The following SHC3 variants were observed in gnomAD, a reference collection of about 807,000 sequenced individuals.
SHC3 encodes the protein SHC-transforming protein 3.
Under a neutral mutation model 60.4 loss-of-function variants are expected in SHC3, and 15 were observed. That is an observed-to-expected ratio of 0.25 (90% CI 0.17 to 0.38). SHC3 has a LOEUF of 0.38. Among genes scored for constraint, SHC3 ranks in the 10% least tolerant of loss-of-function variants. The pLI, the probability that SHC3 is intolerant of heterozygous loss-of-function variation, is 1.00. For synonymous variants in SHC3, 294 were observed against 325.9 expected (o/e 0.90, Z 1.05); for missense variants, 677 against 786.1 (o/e 0.86, Z 1.66).
intron 2 of SHC3, among the ~76,000 whole-genome samples, chr9:89,078,626 G>C (rs556606489): frequency 6.6e-6 from 1 of 152,286 alleles, no homozygotes; most frequent in Admixed American, 6.5e-5. Flanking sequence ...GAGGACCCCA[G>C]AGGGTGAGGA....
At chr9:89,064,579 T>C (rs1219771742) in intron 6 of SHC3, among the ~76,000 whole-genome samples, 2 of 152,156 alleles carry the variant, frequency 1.3e-5, no homozygotes, top group African/African-American at 4.8e-5. Flanking sequence ...TAGAAAATTG[T>C]ATTGTCTGGG....
At chr9:89,065,603 C>T in intron 5 of SHC3, 23 bp from the exon 6 acceptor site, 1 of 1,613,356 alleles carries the variant, frequency 6.2e-7, no homozygotes, top group Non-Finnish European at 8.5e-7. Context: ...AAAGAGATGT[C>T]TATGTCACTA....
Position 89,045,751 on chromosome 9 carries a change from C to A in SHC3, c.1196G>T (p.Arg399Met). Reference sequence around the variant, plus strand: ...CATCTCACCTTGCCTCTCACCTTGCCTTAAAGGTGTTTGCTGCCAGTCTTC... The same window carrying A: ...CATCTCACCTTGCCTCTCACCTTGCATTAAAGGTGTTTGCTGCCAGTCTTC... ...FGEDWQQTPL[R>M]QGSSDIYSTP... The change falls in exon 9 of 12, where the codon AGG (arginine) becomes ATG (methionine). Residue 399 changes from arginine to methionine, a missense_variant. Physicochemically the swap from Arg to Met is moderately conservative, Grantham distance 91 (BLOSUM62 -1). Transcript: ENST00000375835. The A allele has an allele frequency of 6.2e-7, 1 of 1,614,036 alleles. No individual in the cohort carries two copies.
intron 2 of SHC3, among the ~76,000 whole-genome samples, chr9:89,105,124 C>T (rs1216099945): frequency 6.6e-6 from 1 of 152,172 alleles, no homozygotes; most frequent in Admixed American, 6.5e-5. Flanking sequence ...TGCTCAAGAC[C>T]ATCACACCAC....
In SHC3 at chr9:89,151,424, T is replaced by C. The variant is rs576730422; in HGVS notation, c.474+26563A>G. 1.4e-4 allele frequency among the ~76,000 whole-genome samples: 21 copies of C among 152,220 alleles called. No individual in the cohort carries two copies. The East Asian group carries it at 3.7e-3, about 27-fold the overall frequency. On this transcript the variant is annotated intron_variant, in intron 1 of 11. Transcript: ENST00000375835. ...GGGATTAGTGGCCTCATAAAAGAGG[T>C]TGAAGGGAGCACTTGTCCCTTCTGC...
At chr9:89,042,329 T>C (rs1824701739) in intron 9 of SHC3, 145 bp from the exon 10 acceptor site, 1 of 864,854 alleles carries the variant, frequency 1.2e-6, no homozygotes, top group Non-Finnish European at 1.7e-6. Context: ...CTTCTGAGCT[T>C]GTCACCACAC....
chr9:89,016,408 C>T (rs1826094822), intron 11 of SHC3, among the ~76,000 whole-genome samples: 1 of 152,070 alleles, frequency 6.6e-6, no homozygotes, highest in African/African-American at 2.4e-5. Flanking sequence ...TGGCTCTATG[C>T]TCATAAATTT....
intron 2 of SHC3, among the ~76,000 whole-genome samples, chr9:89,079,015 C>T (rs1320042062): frequency 6.6e-6 from 1 of 152,180 alleles, no homozygotes; most frequent in Non-Finnish European, 1.5e-5. Context: ...AGTTACGCAA[C>T]AGACTATCAG....
chr9:89,084,880 G>A (rs996037187), intron 2 of SHC3, among the ~76,000 whole-genome samples: 5 of 152,180 alleles, frequency 3.3e-5, no homozygotes, highest in African/African-American at 7.2e-5. Flanking sequence ...CCACCAAGGC[G>A]CTGGACCCAT....
At chr9:89,073,002 G>T (rs1023084589) in intron 4 of SHC3, among the ~76,000 whole-genome samples, 1 of 152,138 alleles carries the variant, frequency 6.6e-6, no homozygotes, top group African/African-American at 2.4e-5. Flanking sequence ...TGGCTACAGA[G>T]GCTGCACCCA....
intron 11 of SHC3, 47 bp from the exon 12 acceptor site, chr9:89,013,622 A>T: frequency 6.3e-7 from 1 of 1,587,098 alleles, no homozygotes. Context: ...ACAGGCAGCA[A>T]AAAGAGAAAA....
At chr9:89,095,995 A>G (rs889710922) in intron 2 of SHC3, among the ~76,000 whole-genome samples, 1 of 152,146 alleles carries the variant, frequency 6.6e-6, no homozygotes, top group Non-Finnish European at 1.5e-5. Flanking sequence ...CGCAGCTATT[A>G]AAAGGCTCTG....
chr9:89,177,762 C>T (rs1826962818), intron 1 of SHC3, among the ~76,000 whole-genome samples: 1 of 152,234 alleles, frequency 6.6e-6, no homozygotes, highest in Admixed American at 6.5e-5. Flanking sequence ...ACGGAGCGGG[C>T]CACCCGAGTG....
chr9:89,097,534 T>C (rs1252578851), intron 2 of SHC3, among the ~76,000 whole-genome samples: 1 of 152,238 alleles, frequency 6.6e-6, no homozygotes, highest in Non-Finnish European at 1.5e-5. Context: ...TTATCGAATA[T>C]AACTTCTTCG....
chr9:89,076,950 G>A (rs893067622), intron 3 of SHC3, among the ~76,000 whole-genome samples: 10 of 151,922 alleles, frequency 6.6e-5, no homozygotes, highest in South Asian at 4.2e-4. Flanking sequence ...AAGCCAAGGC[G>A]GGTGGATCAC....
chr9:89,086,388 A>G (rs1334341320), intron 2 of SHC3, among the ~76,000 whole-genome samples: 2 of 152,248 alleles, frequency 1.3e-5, no homozygotes. Context: ...AACGGCTCAC[A>G]GAACTCAGGG....
chr9:89,108,076 C>T (rs966766364), intron 2 of SHC3, among the ~76,000 whole-genome samples: 4 of 152,108 alleles, frequency 2.6e-5, no homozygotes, highest in Non-Finnish European at 4.4e-5. Context: ...GAATTTGGTA[C>T]GTCACACATG....
rs1824874548 is a variant in SHC3, at chr9:89,052,278, A to G, written c.836-115T>C. ...ACAGAGAGGTGCATGCTTCTTCCAT[A>G]ATATGTCCTAGCAGATCCAACCACA... On this transcript the variant is annotated intron_variant, in intron 6 of 11. Coordinates refer to ENST00000375835, the MANE Select transcript of SHC3 (RefSeq NM_016848.6). The G allele has an allele frequency of 3.0e-6, 4 of 1,323,232 alleles. No homozygotes were observed. In the Admixed American group the frequency reaches 9.2e-5, roughly 30 times the overall value. 82.0% of individuals were successfully genotyped at this position (1,323,232 alleles called of 1,614,324 possible). A position where few individuals can be genotyped will look rare whatever the true frequency, so the allele number is the denominator to read the frequency against.
chr9:89,041,198 A>T (rs28653080), intron 10 of SHC3, among the ~76,000 whole-genome samples: 7 of 152,232 alleles, frequency 4.6e-5, no homozygotes, highest in Non-Finnish European at 2.9e-5. Context: ...CTCTTTCAAA[A>T]TTTTTTAACA....
Sources: allele counts gnomAD v4.1 joint callset (sites outside exome capture counted in the v4.1 genomes callset), GRCh38; gene constraint gnomAD v4.1.1; transcripts MANE v1.5; gene names NCBI Gene and HGNC (gene_info 2026-07-23, HGNC 2026-07-21).